TXNDC8: variants seen among roughly 807,000 people sequenced by gnomAD.
The protein encoded by TXNDC8 is thioredoxin domain-containing protein 8.
In TXNDC8, 15 loss-of-function variants were observed where a neutral mutation model predicts 12.9. The observed-to-expected ratio is 1.16, with a 90% confidence interval of 0.78 to 1.79. TXNDC8 has a LOEUF of 1.79. Among genes scored for constraint, TXNDC8 ranks in the 40% most tolerant of loss-of-function variants. TXNDC8 has a pLI of 0.00. For missense variants in TXNDC8, 128 were observed against 113.2 expected, an observed-to-expected ratio of 1.13 and a Z score of -0.59; for synonymous variants, 40 against 35.4, an observed-to-expected ratio of 1.13 and a Z score of -0.46.
intron 3 of TXNDC8, among the ~76,000 whole-genome samples, chr9:110,319,089 G>A (rs1838993838): frequency 6.6e-6 from 1 of 152,148 alleles, no homozygotes; most frequent in Non-Finnish European, 1.5e-5. Context: ...CCGACCCCCA[G>A]TCAATCTCTG....
chr9:110,323,765 C>A, intron 3 of TXNDC8: 4 of 1,379,240 alleles, frequency 2.9e-6, no homozygotes, highest in Non-Finnish European at 3.9e-6. Flanking sequence ...ACTCTGTTTT[C>A]TTCTGTGTGG....
At chr9:110,312,359 G>T (rs972261860) in intron 3 of TXNDC8, among the ~76,000 whole-genome samples, 1 of 152,192 alleles carries the variant, frequency 6.6e-6, no homozygotes, top group Non-Finnish European at 1.5e-5. Context: ...CCAAAGCTTT[G>T]GAATGGTGTA....
intron 3 of TXNDC8, among the ~76,000 whole-genome samples, chr9:110,319,815 G>A (rs995105776): frequency 1.3e-5 from 2 of 152,128 alleles, no homozygotes; most frequent in African/African-American, 4.8e-5. Context: ...GCATACCACG[G>A]TATCACCTCT....
intron 1 of TXNDC8, among the ~76,000 whole-genome samples, chr9:110,335,556 CTAT>C (rs1306795294): frequency 1.3e-5 from 2 of 152,210 alleles, no homozygotes; most frequent in Non-Finnish European, 2.9e-5. Context: ...AACGTGTGTA[CTAT>C]TATTATCTCC....
chr9:110,324,251 A>T (rs1839222908), intron 3 of TXNDC8, among the ~76,000 whole-genome samples: 1 of 152,236 alleles, frequency 6.6e-6, no homozygotes, highest in South Asian at 2.1e-4. Flanking sequence ...GAAGATAATA[A>T]AAGATGATAT....
chr9:110,314,556 C>T (rs1403788068), intron 3 of TXNDC8, among the ~76,000 whole-genome samples: 3 of 151,664 alleles, frequency 2.0e-5, no homozygotes, highest in South Asian at 4.2e-4. Flanking sequence ...CCTCAGCCTC[C>T]GGAGTAGCTG....
chr9:110,327,465 G>T (rs894499854), intron 2 of TXNDC8, among the ~76,000 whole-genome samples: 3 of 151,788 alleles, frequency 2.0e-5, no homozygotes, highest in African/African-American at 7.3e-5. Context: ...TGGGATTACA[G>T]GTGTGCATCA....
intron 2 of TXNDC8, among the ~76,000 whole-genome samples, chr9:110,333,618 A>G (rs1839630441): frequency 6.6e-6 from 1 of 152,168 alleles, no homozygotes; most frequent in Non-Finnish European, 1.5e-5. Context: ...ACAAGGTTTC[A>G]TTTGGAGGTG....
At chr9:110,317,428 T>A (rs1838926838) in intron 3 of TXNDC8, among the ~76,000 whole-genome samples, 1 of 152,220 alleles carries the variant, frequency 6.6e-6, no homozygotes, top group East Asian at 1.9e-4. Context: ...GTGCCTATCC[T>A]CTCTCCTTTT....
intron 2 of TXNDC8, among the ~76,000 whole-genome samples, chr9:110,326,503 G>T (rs1347053278): frequency 2.0e-5 from 3 of 152,166 alleles, no homozygotes; most frequent in African/African-American, 7.2e-5. Context: ...AGAGATGGAG[G>T]CCACAACAGA....
chr9:110,307,233 A>T (rs1407206063), intron 3 of TXNDC8, among the ~76,000 whole-genome samples: 1 of 152,014 alleles, frequency 6.6e-6, no homozygotes, highest in African/African-American at 2.4e-5. Context: ...GTTTACAGGC[A>T]TAAATCACTG....
chr9:110,326,135 A>G (rs1447600636), intron 3 of TXNDC8, 40 bp downstream of exon 4: 1 of 1,610,396 alleles, frequency 6.2e-7, no homozygotes, highest in Non-Finnish European at 8.5e-7. Flanking sequence ...TGATGGTTCT[A>G]TAATCTAATT....
intron 3 of TXNDC8, among the ~76,000 whole-genome samples, chr9:110,311,776 C>A (rs1838696805): frequency 7.3e-6 from 1 of 137,858 alleles, no homozygotes; most frequent in African/African-American, 2.7e-5. Context: ...TATATATATA[C>A]TATATATGGA....
intron 3 of TXNDC8, among the ~76,000 whole-genome samples, chr9:110,320,298 T>C (rs1296644512): frequency 1.3e-5 from 2 of 152,192 alleles, no homozygotes; most frequent in African/African-American, 4.8e-5. Context: ...GGGGCGGGTC[T>C]TTCCTGTGCT....
chr9:110,332,867 T>A (rs931688248), intron 2 of TXNDC8, among the ~76,000 whole-genome samples: 1 of 152,172 alleles, frequency 6.6e-6, no homozygotes, highest in African/African-American at 2.4e-5. Context: ...CACTAGAATA[T>A]TTTACAAAGT....
intron 3 of TXNDC8, chr9:110,323,777 A>C (rs1319924787): frequency 2.1e-6 from 3 of 1,431,096 alleles, no homozygotes; most frequent in Non-Finnish European, 1.9e-6. Flanking sequence ...TCTGTGTGGT[A>C]GATTCGTTTT....
chr9:110,317,323 G>T (rs1838921844), intron 3 of TXNDC8, among the ~76,000 whole-genome samples: 1 of 152,190 alleles, frequency 6.6e-6, no homozygotes, highest in Non-Finnish European at 1.5e-5. Context: ...CAAATGCCCA[G>T]TTTTGAGAAA....
intron 1 of TXNDC8, among the ~76,000 whole-genome samples, chr9:110,334,866 C>G (rs1839686147): frequency 6.6e-6 from 1 of 151,206 alleles, no homozygotes; most frequent in African/African-American, 2.5e-5. Flanking sequence ...ATTAATCTCA[C>G]ACCTTGAGTA....
intron 2 of TXNDC8, among the ~76,000 whole-genome samples, chr9:110,326,572 G>A (rs1026962318): frequency 2.0e-5 from 3 of 152,076 alleles, no homozygotes; most frequent in African/African-American, 4.8e-5. Flanking sequence ...GAGTACAGAG[G>A]GGCCCCAGTG....
Sources: gnomAD v4.1 joint callset for allele counts (sites outside exome capture counted in the v4.1 genomes callset) on GRCh38, gnomAD v4.1.1 for gene constraint, MANE v1.5 for transcripts, NCBI Gene and HGNC (gene_info 2026-07-23, HGNC 2026-07-21) for gene names.